FLNA: variants seen among roughly 807,000 people sequenced by gnomAD.
FLNA encodes filamin A, also known as filamin-A.
A neutral mutation model predicts 157.6 loss-of-function variants in FLNA; 7 were observed. That is an observed-to-expected ratio of 0.04 (90% confidence interval 0.03 to 0.08). The LOEUF (loss-of-function observed/expected upper bound fraction) is 0.08. Among genes scored for constraint, FLNA ranks in the 10% least tolerant of loss-of-function variants. The pLI is 1.00. For synonymous variants in FLNA, 1,103 were observed against 1,060.8 expected, an observed-to-expected ratio of 1.04 and a Z score of -0.77; for missense variants, 1,750 against 2,398.4, an observed-to-expected ratio of 0.73 and a Z score of 5.65.
In FLNA at chrX:154,366,468, A is replaced by G. The variant is rs782237238; in HGVS notation, c.1068T>C (p.Val356=). Residue 356 remains valine, a splice_region_variant and synonymous_variant, in exon 8 of 48, where the codon GTT becomes GTC. Coordinates refer to ENST00000369850, the MANE Select transcript of FLNA (RefSeq NM_001110556.2). ...TGTGCTGGCCAGCAAAGAGCACAGTAACCTGTCCCCAGAAGGGTGGGCCGT... is the reference window on the plus strand; with the variant it reads ...TGTGCTGGCCAGCAAAGAGCACAGTGACCTGTCCCCAGAAGGGTGGGCCGT... ...YVPEVTGTHK[V]TVLFAGQHIA... is the part of the protein sequence containing the mutation. 8.3e-7 allele frequency: 1 copy of G among 1,211,608 alleles called. No homozygotes were observed. Among genetic ancestry groups the G allele is most frequent in the Admixed American group, 2.2e-5 (1 of 46,106 alleles).
chrX:154,370,589 G>A (rs954450797), intron 2 of FLNA, among the ~76,000 whole-genome samples: 1 of 113,220 alleles, frequency 8.8e-6, no homozygotes, highest in Non-Finnish European at 1.9e-5. Flanking sequence ...CCCACCGCGA[G>A]CACAGCCGCG....
chrX:154,358,213 C>A lies in FLNA; in HGVS notation c.4741G>T (p.Ala1581Ser), dbSNP rs1557177228. The change falls in exon 28 of 48, where the codon GCT becomes TCT. Residue 1581 changes from alanine to serine, a missense_variant. Ala to Ser is a moderately conservative substitution (Grantham distance 99). Around this residue, in one of 5 missense-constraint regions of FLNA, gnomAD observed 970 missense variants for 1,302.6 expected, o/e 0.74. Transcript: ENST00000369850. ...CCGGAGCTCACCGTGATCTGGACAG[C>A]CAGCAGGCCCTCCCCGGCGTCCTTT... The part of the protein sequence containing the change: ...DAKDAGEGLL[A>S]VQITDPEGKP... 8.3e-7 allele frequency: 1 copy of A among 1,210,818 alleles called. No individual in the cohort carries two copies. Among genetic ancestry groups the A allele is most frequent in the East Asian group, 3.0e-5 (1 of 33,841 alleles).
At chrX:154,367,044 G>A (rs1309994470) in intron 5 of FLNA, among the ~76,000 whole-genome samples, 194 bp from the exon 6 acceptor site, 2 of 112,105 alleles carry the variant, frequency 1.8e-5, no homozygotes, top group Admixed American at 9.4e-5. Flanking sequence ...GGCCCAGCCT[G>A]TTTTCTGGAA....
chrX:154,352,061 C>G, intron 41 of FLNA, 40 bp from the exon 42 acceptor site: 3 of 1,210,005 alleles, frequency 2.5e-6, no homozygotes, highest in Non-Finnish European at 3.4e-6. Flanking sequence ...GGCTGCTTCA[C>G]CAGCCTCGGC....
At chrX:154,361,065 A>T (rs57133748) in intron 21 of FLNA, among the ~76,000 whole-genome samples, 1 of 89,175 alleles carries the variant, frequency 1.1e-5, no homozygotes, top group Non-Finnish European at 2.1e-5. Context: ...AAAAAAAAAA[A>T]AAAAAAAAAA....
chrX:154,361,814 G>C, intron 19 of FLNA, 27 bp from the exon 20 acceptor site: 1 of 1,141,949 alleles, frequency 8.8e-7, no homozygotes, highest in East Asian at 3.0e-5. Context: ...AGGGAAGGGG[G>C]TATTTAGAGA....
chrX:154,369,990 C>T (rs1206653876), intron 2 of FLNA, among the ~76,000 whole-genome samples: 2 of 111,630 alleles, frequency 1.8e-5, no homozygotes, highest in Non-Finnish European at 3.8e-5. Flanking sequence ...ACATCACCCC[C>T]GAGTCACCCA....
intron 35 of FLNA, 89 bp downstream of exon 35, chrX:154,353,826 C>T (rs2067641396): frequency 1.7e-6 from 2 of 1,193,888 alleles, no homozygotes; most frequent in African/African-American, 1.8e-5. Flanking sequence ...GGCAGGGAGC[C>T]CCATTCAGGA....
chrX:154,355,711 G>A (rs1228337014), intron 30 of FLNA, among the ~76,000 whole-genome samples: 1 of 113,206 alleles, frequency 8.8e-6, no homozygotes, highest in Non-Finnish European at 1.9e-5. Flanking sequence ...TAGCACCCAG[G>A]GAGACAGGGA....
At chrX:154,351,721 C>G in intron 42 of FLNA, 25 bp from the exon 43 acceptor site, 2 of 1,136,715 alleles carry the variant, frequency 1.8e-6, no homozygotes, top group Non-Finnish European at 1.2e-6. Flanking sequence ...AGTGTAAGAC[C>G]GGCTCATCAG....
Position 154,355,029 on chromosome X carries a change from C to T in FLNA, c.5013G>A (p.Val1671=). ...CTGCCGCCTTAGTGTCCACAGTGAT[C>T]ACCGTCTCCTCCCCAATCTGAATGG... ...GPTIQIGEET[V]ITVDTKAAGK... Residue 1671 remains valine (V), a synonymous_variant, in exon 31 of 48, where the codon GTG becomes GTA. Transcript: ENST00000369850. 2 of 1,210,615 alleles carry T rather than the reference C, an allele frequency of 1.7e-6. No individual in the cohort carries two copies. Among genetic ancestry groups the T allele is most frequent in the Non-Finnish European group, 2.2e-6 (2 of 894,356 alleles).
At chrX:154,350,752 C>T (rs1204103396) in intron 44 of FLNA, 157 bp downstream of exon 44, 5 of 573,182 alleles carry the variant, frequency 8.7e-6, no homozygotes, top group South Asian at 2.6e-5. Flanking sequence ...ACATCCCCAG[C>T]GGCTTGGGTC....
intron 43 of FLNA, 139 bp downstream of exon 43, chrX:154,351,442 C>T (rs1557175747): frequency 2.1e-6 from 1 of 474,899 alleles, no homozygotes; most frequent in Non-Finnish European, 3.7e-6. Context: ...GTGGGCTGCA[C>T]CCGGCCAGAG....
chrX:154,355,476 T>C (rs911218056), intron 30 of FLNA, among the ~76,000 whole-genome samples: 17 of 113,712 alleles, frequency 1.5e-4, no homozygotes, highest in Non-Finnish European at 1.9e-5. Flanking sequence ...CCGGCCCCCA[T>C]TGCTGTGTGT....
intron 21 of FLNA, among the ~76,000 whole-genome samples, chrX:154,360,937 C>G (rs1255170392): frequency 1.9e-5 from 2 of 103,855 alleles, no homozygotes; most frequent in African/African-American, 7.1e-5. Flanking sequence ...ATCCCAGCTA[C>G]TTGGGAGGCT....
chrX:154,354,147 C>G lies in FLNA; in HGVS notation c.5557+4G>C. On this transcript the variant is annotated splice_donor_region_variant and intron_variant, in intron 34 of 47. Coordinates refer to ENST00000369850, the MANE Select transcript of FLNA (RefSeq NM_001110556.2). Reference sequence around the variant, plus strand: ...TGGAGTGGGCAGAGGCAGGGCAGGCCCACCTGGGATGTGCATGTTGTCATA... The same window carrying G: ...TGGAGTGGGCAGAGGCAGGGCAGGCGCACCTGGGATGTGCATGTTGTCATA... The G allele has an allele frequency of 8.3e-7, 1 of 1,211,746 alleles. No homozygotes were observed. Among genetic ancestry groups the G allele is most frequent in the Non-Finnish European group, 1.1e-6 (1 of 895,578 alleles).
intron 21 of FLNA, among the ~76,000 whole-genome samples, 186 bp from the exon 22 acceptor site, chrX:154,360,773 G>A (rs782458529): frequency 1.1e-4 from 12 of 111,690 alleles, no homozygotes; most frequent in East Asian, 5.6e-4. Flanking sequence ...AGGGCAGGGC[G>A]CGGTCACTCA....
In FLNA at chrX:154,362,676, C is replaced by T. The variant is rs201073998; in HGVS notation, c.2389G>A (p.Ala797Thr). Residue 797 changes from alanine (A) to threonine (T), a missense_variant, in exon 16 of 48, where the codon GCC (alanine) becomes ACC (threonine). By Grantham distance (58) the Ala-to-Thr change is moderately conservative. Coordinates refer to ENST00000369850, the MANE Select transcript of FLNA (RefSeq NM_001110556.2). ...HEPTYFTVDC[A>T]EAGQGDVSIG... ...CAGGCCTTACCCTGGCCAGCCTCGG[C>T]GCAGTCCACAGTGAAGTAGGTGGGC... 31 of 1,209,346 alleles carry T rather than the reference C, an allele frequency of 2.6e-5. No individual in the cohort carries two copies. In the East Asian group the frequency reaches 3.0e-4, roughly 12 times the overall value.
At chrX:154,363,139 G>A (rs936574581) in intron 15 of FLNA, among the ~76,000 whole-genome samples, 2 of 112,467 alleles carry the variant, frequency 1.8e-5, no homozygotes, top group African/African-American at 6.5e-5. Context: ...TGAAGCGGCC[G>A]GACGTGGTGG....
Sources: allele counts gnomAD v4.1 joint callset (sites outside exome capture counted in the v4.1 genomes callset), GRCh38; gene constraint gnomAD v4.1.1; regional missense constraint gnomAD v4.1.1; transcripts MANE v1.5; gene names NCBI Gene and HGNC (gene_info 2026-07-23, HGNC 2026-07-21).